FGGY: variants seen among roughly 807,000 people sequenced by gnomAD.
FGGY encodes the protein FGGY carbohydrate kinase domain containing, also known as FGGY carbohydrate kinase domain-containing protein.
FGGY carries 72 observed loss-of-function variants against 71.3 expected under a neutral mutation model. That is an observed-to-expected ratio of 1.01 (90% CI 0.84 to 1.23). The LOEUF (loss-of-function observed/expected upper bound fraction) is 1.23, where lower values mean the gene tolerates loss of function less well. Ranked by LOEUF, FGGY falls within the 50% of genes most tolerant of loss-of-function variation. The pLI is 0.00. For synonymous variants in FGGY, 251 were observed against 250.3 expected, an observed-to-expected ratio of 1.00 and a Z score of -0.02; for missense variants, 668 against 682.3, an observed-to-expected ratio of 0.98 and a Z score of 0.23.
At chr1:59,521,108 G>T (rs2094819186) in intron 7 of FGGY, among the ~76,000 whole-genome samples, 1 of 152,204 alleles carries the variant, frequency 6.6e-6, no homozygotes, top group Non-Finnish European at 1.5e-5. Context: ...CAGTCCCTGA[G>T]CAGATAGAGC....
At chr1:59,345,713 T>C (rs1458351482) in intron 3 of FGGY, among the ~76,000 whole-genome samples, 2 of 140,222 alleles carry the variant, frequency 1.4e-5, no homozygotes, top group African/African-American at 5.8e-5. Flanking sequence ...GCCAACCAAA[T>C]GAGGAAAAAA....
chr1:59,406,750 G>A (rs149402991), intron 5 of FGGY, among the ~76,000 whole-genome samples: 73 of 152,310 alleles, frequency 4.8e-4, no homozygotes, highest in African/African-American at 1.7e-3. Context: ...GGTCAGCCAT[G>A]TATCTTTCTC....
chr1:59,741,670 C>T (rs996417616), intron 14 of FGGY, among the ~76,000 whole-genome samples: 3 of 151,994 alleles, frequency 2.0e-5, no homozygotes, highest in East Asian at 1.9e-4. Context: ...GCCAGGCGGG[C>T]GAGGCGCGGT....
intron 8 of FGGY, among the ~76,000 whole-genome samples, chr1:59,605,916 C>T (rs745549959): frequency 1.3e-5 from 2 of 152,142 alleles, no homozygotes; most frequent in Non-Finnish European, 2.9e-5. Context: ...AGCCTCAAGA[C>T]CTGCTGGAAT....
At chr1:59,578,083 G>C (rs893057253) in intron 8 of FGGY, among the ~76,000 whole-genome samples, 1 of 152,172 alleles carries the variant, frequency 6.6e-6, no homozygotes, top group Non-Finnish European at 1.5e-5. Context: ...CAGAGGTCAA[G>C]ACTAAGGAAA....
At chr1:59,536,314 C>G (rs1026005070) in intron 7 of FGGY, among the ~76,000 whole-genome samples, 1 of 152,076 alleles carries the variant, frequency 6.6e-6, no homozygotes, top group Non-Finnish European at 1.5e-5. Context: ...CAATAACAGG[C>G]TCTGAAATTG....
intron 4 of FGGY, among the ~76,000 whole-genome samples, chr1:59,371,236 A>G (rs561875349): frequency 6.6e-6 from 1 of 152,224 alleles, no homozygotes; most frequent in South Asian, 2.1e-4. Flanking sequence ...TGGAAAACAA[A>G]AAAAGGCAGG....
intron 7 of FGGY, among the ~76,000 whole-genome samples, chr1:59,522,315 A>G (rs1472751013): frequency 6.6e-6 from 1 of 152,236 alleles, no homozygotes; most frequent in African/African-American, 2.4e-5. Context: ...TACTTACGTT[A>G]GCCCATACTT....
intron 6 of FGGY, among the ~76,000 whole-genome samples, chr1:59,482,898 T>A (rs1218499354): frequency 6.6e-6 from 1 of 152,032 alleles, no homozygotes; most frequent in Non-Finnish European, 1.5e-5. Flanking sequence ...CTCTGTGAAC[T>A]GAGGAGGATT....
intron 5 of FGGY, among the ~76,000 whole-genome samples, chr1:59,428,710 C>T (rs2066813282): frequency 6.6e-6 from 1 of 152,194 alleles, no homozygotes; most frequent in African/African-American, 2.4e-5. Context: ...ATGTCAGTAG[C>T]ACTCAGTACA....
intron 1 of FGGY, among the ~76,000 whole-genome samples, chr1:59,308,756 G>C (rs835396): frequency 0.4 from 61,115 of 151,960 alleles, 12,768 homozygotes; most frequent in East Asian, 0.55. Flanking sequence ...GAAAATAAAA[G>C]TTTGAGAACC....
chr1:59,358,502 C>G (rs182540309), intron 4 of FGGY, among the ~76,000 whole-genome samples: 5 of 152,048 alleles, frequency 3.3e-5, no homozygotes, highest in Admixed American at 3.3e-4. Flanking sequence ...GCCACCCCCC[C>G]GCCATGTTTT....
chr1:59,301,221 A>T (rs1330820793), intron 1 of FGGY, among the ~76,000 whole-genome samples: 3 of 152,048 alleles, frequency 2.0e-5, no homozygotes, highest in African/African-American at 7.2e-5. Flanking sequence ...CTATTTTTTG[A>T]TGATATTGTA....
intron 4 of FGGY, among the ~76,000 whole-genome samples, chr1:59,348,931 G>T (rs1189035451): frequency 1.3e-5 from 2 of 152,088 alleles, no homozygotes; most frequent in African/African-American, 2.4e-5. Flanking sequence ...CTTATTTCAG[G>T]CCTCACTTTC....
intron 6 of FGGY, among the ~76,000 whole-genome samples, chr1:59,457,482 A>G (rs982481698): frequency 1.3e-5 from 2 of 152,046 alleles, no homozygotes; most frequent in African/African-American, 4.8e-5. Context: ...CCTCGTGCAT[A>G]TGTCTGTAGT....
chr1:59,466,179 A>G (rs2092613016), intron 6 of FGGY, among the ~76,000 whole-genome samples: 1 of 152,206 alleles, frequency 6.6e-6, no homozygotes, highest in Non-Finnish European at 1.5e-5. Context: ...GGAACAGAAC[A>G]GAGCCCTCAG....
intron 14 of FGGY, chr1:59,680,825 C>T (rs973217414): frequency 1.3e-5 from 2 of 152,034 alleles, no homozygotes; most frequent in African/African-American, 4.8e-5. Context: ...AATACAAAGC[C>T]CACGCTCTTT....
At chr1:59,465,848 A>AT (rs1383103046) in intron 6 of FGGY, among the ~76,000 whole-genome samples, 2 of 152,204 alleles carry the variant, frequency 1.3e-5, no homozygotes, top group African/African-American at 4.8e-5. Flanking sequence ...GCTCAATGAA[A>AT]TAAAAGAGGA....
chr1:59,587,895 C>T (rs2096340319), intron 8 of FGGY, among the ~76,000 whole-genome samples: 1 of 152,182 alleles, frequency 6.6e-6, no homozygotes, highest in East Asian at 1.9e-4. Context: ...AGCACCTCTC[C>T]TCCTCCAAAG....
Sources: gnomAD v4.1 joint callset for allele counts (sites outside exome capture counted in the v4.1 genomes callset) on GRCh38, gnomAD v4.1.1 for gene constraint, MANE v1.5 for transcripts, NCBI Gene and HGNC (gene_info 2026-07-23, HGNC 2026-07-21) for gene names.